The following PTPRD variants were observed in gnomAD, a reference collection of about 807,000 sequenced individuals.
PTPRD encodes the protein receptor-type tyrosine-protein phosphatase delta.
In PTPRD, 34 loss-of-function variants were observed where a neutral mutation model predicts 214.5. The observed-to-expected ratio is 0.16, with a 90% CI of 0.12 to 0.21. The LOEUF is 0.21. Among genes scored for constraint, PTPRD ranks in the 10% least tolerant of loss-of-function variants. The pLI is 1.00. For synonymous variants in PTPRD, 1,128 were observed against 845.7 expected (o/e 1.33, Z -5.79); for missense variants, 2,545 against 2,398.7 (o/e 1.06, Z -1.27).
intron 39 of PTPRD, among the ~76,000 whole-genome samples, chr9:8,364,767 C>T (rs2079384465): frequency 6.6e-6 from 1 of 152,330 alleles, no homozygotes; most frequent in Non-Finnish European, 1.5e-5. Flanking sequence ...GCCTCACTGA[C>T]CAAATTGGTA....
intron 11 of PTPRD, among the ~76,000 whole-genome samples, chr9:8,889,407 G>A (rs1232711608): frequency 6.6e-6 from 1 of 152,102 alleles, no homozygotes; most frequent in Non-Finnish European, 1.5e-5. Context: ...AATGAATAAT[G>A]AGCAAATCAT....
At chr9:10,274,541 G>C (rs1486629717) in intron 3 of PTPRD, among the ~76,000 whole-genome samples, 1 of 152,144 alleles carries the variant, frequency 6.6e-6, no homozygotes, top group Non-Finnish European at 1.5e-5. Flanking sequence ...TATGGCTTTG[G>C]CCAAAATGCA....
chr9:10,127,444 C>A (rs1255445494), intron 3 of PTPRD, among the ~76,000 whole-genome samples: 3 of 151,998 alleles, frequency 2.0e-5, no homozygotes, highest in Admixed American at 2.0e-4. Flanking sequence ...TAGGTTGATC[C>A]TAGAGAGCAA....
chr9:9,527,658 A>G (rs2074439228), intron 8 of PTPRD, among the ~76,000 whole-genome samples: 1 of 152,118 alleles, frequency 6.6e-6, no homozygotes, highest in South Asian at 2.1e-4. Context: ...ATAACTCTTC[A>G]AGCATCTATC....
In PTPRD at chr9:8,353,954, A is replaced by G. The variant is rs1317530915; in HGVS notation, c.4662-11976T>C. On this transcript the variant is annotated intron_variant, in intron 39 of 45. Coordinates refer to ENST00000381196, the MANE Select transcript of PTPRD (RefSeq NM_002839.4). The stretch of plus-strand genomic sequence containing the variant: ...TGTGTGTACATATATATATATATAT[A>G]TATATATATGTTTTTTTTTTTTTGA... Among the ~76,000 whole-genome samples the G allele has an allele frequency of 9.7e-5, 11 of 113,488 alleles. 2 individuals carry two copies. The highest frequency in any genetic ancestry group is 3.1e-4 in the African/African-American group (10 of 32,056). 74.5% of individuals were successfully genotyped at this position (113,488 alleles called of 152,430 possible). A position where few individuals can be genotyped will look rare whatever the true frequency, so the allele number is the denominator to read the frequency against.
chr9:9,086,693 G>T (rs551611998), intron 10 of PTPRD, among the ~76,000 whole-genome samples: 1 of 152,242 alleles, frequency 6.6e-6, no homozygotes, highest in South Asian at 2.1e-4. Flanking sequence ...CCCAGCTGAA[G>T]TGACTAACAA....
At chr9:9,353,658 A>G (rs1251618710) in intron 9 of PTPRD, among the ~76,000 whole-genome samples, 1 of 151,822 alleles carries the variant, frequency 6.6e-6, no homozygotes, top group Non-Finnish European at 1.5e-5. Context: ...AAAGTTTTCT[A>G]GGTTGAGTTA....
intron 11 of PTPRD, among the ~76,000 whole-genome samples, chr9:8,771,457 A>C (rs2095206677): frequency 6.6e-6 from 1 of 152,144 alleles, no homozygotes; most frequent in African/African-American, 2.4e-5. Context: ...AAAACATGAA[A>C]TCTTTTTCCC....
chr9:8,406,454 C>A (rs766487015), intron 35 of PTPRD, among the ~76,000 whole-genome samples: 1 of 152,194 alleles, frequency 6.6e-6, no homozygotes, highest in African/African-American at 2.4e-5. Flanking sequence ...CATACTGCTG[C>A]CAAAGTTGTC....
intron 10 of PTPRD, among the ~76,000 whole-genome samples, chr9:9,082,037 G>A (rs1270867094): frequency 6.6e-6 from 1 of 152,000 alleles, no homozygotes; most frequent in Non-Finnish European, 1.5e-5. Flanking sequence ...GAGGTACAAA[G>A]AGGAGCTGGT....
chr9:10,501,820 A>G (rs833445), intron 2 of PTPRD, among the ~76,000 whole-genome samples: 1 of 151,818 alleles, frequency 6.6e-6, no homozygotes, highest in African/African-American at 2.4e-5. Context: ...GACAAATTCA[A>G]CACAGAAGGT....
intron 10 of PTPRD, among the ~76,000 whole-genome samples, chr9:9,148,683 G>T (rs1475123991): frequency 6.6e-6 from 1 of 152,126 alleles, no homozygotes; most frequent in Non-Finnish European, 1.5e-5. Context: ...TCTAAGTGAA[G>T]CTATTGCTTT....
chr9:9,460,214 T>C (rs2093512608), intron 8 of PTPRD, among the ~76,000 whole-genome samples: 1 of 152,122 alleles, frequency 6.6e-6, no homozygotes, highest in Admixed American at 6.6e-5. Flanking sequence ...AAGACTTCAA[T>C]GTAAGACCTG....
intron 10 of PTPRD, among the ~76,000 whole-genome samples, chr9:9,082,301 A>T (rs2099760442): frequency 6.6e-6 from 1 of 152,188 alleles, no homozygotes; most frequent in Non-Finnish European, 1.5e-5. Context: ...GGGTGGTTCA[A>T]CATATGCCAA....
intron 14 of PTPRD, among the ~76,000 whole-genome samples, chr9:8,554,141 T>C (rs1265222992): frequency 6.6e-6 from 1 of 152,102 alleles, no homozygotes; most frequent in Non-Finnish European, 1.5e-5. Context: ...TGAGCCAAGA[T>C]CATGCCATTG....
At chr9:8,667,134 T>A (rs1035892003) in intron 12 of PTPRD, among the ~76,000 whole-genome samples, 2 of 150,848 alleles carry the variant, frequency 1.3e-5, no homozygotes, top group African/African-American at 4.9e-5. Flanking sequence ...AAGTCAGGAG[T>A]TCAAGACCAG....
chr9:8,388,587 A>G (rs1053050064), intron 37 of PTPRD, among the ~76,000 whole-genome samples: 4 of 152,212 alleles, frequency 2.6e-5, no homozygotes, highest in South Asian at 2.1e-4. Context: ...TGTGCCATGC[A>G]CCATAATATT....
intron 4 of PTPRD, among the ~76,000 whole-genome samples, chr9:9,939,847 C>G (rs2090905746): frequency 6.6e-6 from 1 of 152,140 alleles, no homozygotes; most frequent in African/African-American, 2.4e-5. Context: ...GTAAATCAAA[C>G]CTTAAGAGCA....
intron 11 of PTPRD, among the ~76,000 whole-genome samples, chr9:8,740,090 T>A (rs1005240793): frequency 5.3e-5 from 8 of 152,158 alleles, no homozygotes; most frequent in Admixed American, 1.3e-4. Context: ...ATAAAAGATT[T>A]CATTTTTTTT....
Sources: allele counts gnomAD v4.1 joint callset (sites outside exome capture counted in the v4.1 genomes callset), GRCh38; gene constraint gnomAD v4.1.1; transcripts MANE v1.5; gene names NCBI Gene and HGNC (gene_info 2026-07-23, HGNC 2026-07-21).